STX10: variants seen among roughly 807,000 people sequenced by gnomAD.
STX10 encodes syntaxin 10, also known as syntaxin-10.
A neutral mutation model predicts 34.1 loss-of-function variants in STX10; 35 were observed. That is an observed-to-expected ratio of 1.03 (90% CI 0.78 to 1.36). The LOEUF (loss-of-function observed/expected upper bound fraction) is 1.36. Among genes scored for constraint, STX10 ranks in the 40% most tolerant of loss-of-function variants. The pLI is 0.00. For synonymous variants in STX10, 155 were observed against 132.9 expected (o/e 1.17, Z -1.15); for missense variants, 361 against 335.5 (o/e 1.08, Z -0.59).
Position 13,149,788 on chromosome 19 carries a change from C to T in STX10, c.145G>A (p.Glu49Lys), listed in dbSNP as rs1318219240. The T allele has an allele frequency of 3.1e-6, 5 of 1,614,138 alleles. No homozygotes were observed. Among genetic ancestry groups the T allele is most frequent in the Non-Finnish European group, 2.5e-6 (3 of 1,180,034 alleles). ...GREELDWTTN[E>K]LRNGLRSIEW... The stretch of plus-strand genomic sequence containing the variant: ...ATGCTGCGCAGGCCATTCCGCAGCT[C>T]ATTGGTCGTCCAGTCCAGCTCCTCG... Residue 49 changes from glutamate to lysine, a missense_variant, in exon 2 of 8, where the codon GAG (glutamate) becomes AAG (lysine). Glu to Lys is a moderately conservative substitution (Grantham distance 56). Transcript: ENST00000587230.
Position 13,144,653 on chromosome 19 carries a change from G to T in STX10, c.597C>A (p.Ala199=). Residue 199 remains alanine (A), a synonymous_variant, in exon 7 of 8, where the codon GCC becomes GCA. Coordinates refer to ENST00000587230, the MANE Select transcript of STX10 (RefSeq NM_003765.3). ...DEQGIMLDAF[A]QEMDHTQSRM... The stretch of plus-strand genomic sequence containing the variant: ...GGGACTGGGTGTGGTCCATCTCTTG[G>T]GCGAAGGCATCCAGCATGCTGCCAA... The T allele has an allele frequency of 6.2e-7, 1 of 1,614,144 alleles. No individual in the cohort carries two copies. The highest frequency in any genetic ancestry group is 8.5e-7 in the Non-Finnish European group (1 of 1,180,014).
chr19:13,146,205 A>T lies in STX10; in HGVS notation c.364-810T>A, dbSNP rs148537513. Among the ~76,000 whole-genome samples, 674 of 152,106 alleles carry T rather than the reference A, an allele frequency of 4.4e-3. 3 individuals are homozygous for T. The highest frequency in any genetic ancestry group is 0.01 in the African/African-American group (415 of 41,478). The stretch of plus-strand genomic sequence containing the variant: ...AGAGTGACCTTGCCTCAAAAAAAAA[A>T]AAAATAAAATAAAATGGGAAGAGCT... On this transcript the variant is annotated intron_variant, in intron 4 of 7. Transcript: ENST00000587230.
Position 13,150,326 on chromosome 19 carries a change from C to T in STX10, c.-153G>A, listed in dbSNP as rs184504099. On this transcript the variant is annotated 5_prime_UTR_variant, in exon 1 of 8. Transcript: ENST00000587230. This position sits in a 1 kb window ranked among gnomAD's most constrained non-coding sequence, Gnocchi z 4.0. The stretch of plus-strand genomic sequence containing the variant: ...AGGGGAGAAAGAGAAGCCTCGGAGG[C>T]CCGACGTGCGGACACTTCCGCCCTC... The T allele has an allele frequency of 1.4e-4, 83 of 606,786 alleles. No individual in the cohort carries two copies. In the African/African-American group the frequency reaches 1.5e-3, roughly 11 times the overall value. The allele number at this position is 606,786 out of a possible 1,614,324, so 37.6% of individuals were successfully genotyped here.
chr19:13,149,446 A>C, intron 3 of STX10, 53 bp downstream of exon 3: 1 of 1,241,556 alleles, frequency 8.1e-7, no homozygotes, highest in Non-Finnish European at 1.1e-6. Context: ...AAGAAAGAAA[A>C]AAAAACACAC....
In STX10 at chr19:13,150,086, T is replaced by C; in HGVS notation, c.35+53A>G. On this transcript the variant is annotated intron_variant, in intron 1 of 7. Coordinates refer to ENST00000587230, the MANE Select transcript of STX10 (RefSeq NM_003765.3). The surrounding 1 kb of genome is among the most constrained non-coding windows in gnomAD (Gnocchi z 4.0). ...CACGCTGGGGCCGGCACCCGGGCAC[T>C]GGCTGGCTTGGGTACAGAGCACCCT... 1 of 1,116,298 alleles carries C rather than the reference T, an allele frequency of 9.0e-7. No homozygotes were observed. Among genetic ancestry groups the C allele is most frequent in the Non-Finnish European group, 1.3e-6 (1 of 747,224 alleles). 69.1% of individuals were successfully genotyped at this position (1,116,298 alleles called of 1,614,324 possible).
Position 13,150,284 on chromosome 19 carries a change from T to G in STX10, c.-111A>C. On this transcript the variant is annotated 5_prime_UTR_variant, in exon 1 of 8. An upstream start codon of the reference 5' UTR is lost. Transcript: ENST00000587230. This position sits in a 1 kb window ranked among gnomAD's most constrained non-coding sequence, Gnocchi z 4.0. ...CACCCCCGCCCCCGTCACGCCACCATCGAGAGCCGGACCGCCAGGGGAGAA... is the reference window on the plus strand; with the variant it reads ...CACCCCCGCCCCCGTCACGCCACCAGCGAGAGCCGGACCGCCAGGGGAGAA... 3 of 630,844 alleles carry G rather than the reference T, an allele frequency of 4.8e-6. No homozygotes were observed. Among genetic ancestry groups the G allele is most frequent in the Non-Finnish European group, 8.7e-6 (3 of 345,032 alleles). 39.1% of individuals were successfully genotyped at this position (630,844 alleles called of 1,614,324 possible). A position where few individuals can be genotyped will look rare whatever the true frequency, so the allele number is the denominator to read the frequency against.
At chr19:13,148,903 C>T (rs2019975416) in intron 4 of STX10, 126 bp downstream of exon 4, 5 of 715,508 alleles carry the variant, frequency 7.0e-6, no homozygotes, top group Non-Finnish European at 1.2e-5. Flanking sequence ...AGGTAGACAG[C>T]AAGAAGATAA....
Position 13,150,051 on chromosome 19 carries a change from G to A in STX10, c.35+88C>T. The A allele has an allele frequency of 2.4e-6, 3 of 1,240,316 alleles. No homozygotes were observed. The highest frequency in any genetic ancestry group is 3.5e-6 in the Non-Finnish European group (3 of 863,652). The allele number at this position is 1,240,316 out of a possible 1,614,324, so 76.8% of individuals were successfully genotyped here. A position where few individuals can be genotyped will look rare whatever the true frequency, so the allele number is the denominator to read the frequency against. ...CTCTGCACCCCGACGGCCTTGCCCA[G>A]CCCGCCGGGCACGCTGGGGCCGGCA... On this transcript the variant is annotated intron_variant, in intron 1 of 7. Transcript: ENST00000587230. This position sits in a 1 kb window ranked among gnomAD's most constrained non-coding sequence, Gnocchi z 4.0.
chr19:13,148,874 A>T (rs1438171909), intron 4 of STX10, among the ~76,000 whole-genome samples, 155 bp downstream of exon 4: 2 of 151,858 alleles, frequency 1.3e-5, no homozygotes, highest in African/African-American at 4.8e-5. Context: ...TCAGGTGCAC[A>T]CACCGAGAAA....
chr19:13,145,338 C>T lies in STX10; in HGVS notation c.421G>A (p.Ala141Thr), dbSNP rs374729882. 58 of 1,611,848 alleles carry T rather than the reference C, an allele frequency of 3.6e-5. No individual in the cohort carries two copies. Among genetic ancestry groups the T allele is most frequent in the Admixed American group, 2.2e-4 (13 of 60,020 alleles). ...ATGTAGCGAGATGTGGCCGAGACTG[C>T]GCTGGCATCCAGCAGGTCGCTGGGT... ...KSPSDLLDASAVSATSRYIEE... is the reference protein window; with the variant it reads ...KSPSDLLDASTVSATSRYIEE... The change falls in exon 5 of 8, where the codon GCA becomes ACA. Residue 141 changes from alanine (A) to threonine (T), a missense_variant. Physicochemically the swap from Ala to Thr is moderately conservative, Grantham distance 58. Transcript: ENST00000587230.
Position 13,144,562 on chromosome 19 carries a change from C to T in STX10, c.673+15G>A, listed in dbSNP as rs772141034. 1.2e-6 allele frequency: 2 copies of T among 1,614,108 alleles called. No homozygotes were observed. Among genetic ancestry groups the T allele is most frequent in the Non-Finnish European group, 1.7e-6 (2 of 1,180,010 alleles). On this transcript the variant is annotated intron_variant, in intron 7 of 7. Coordinates refer to ENST00000587230, the MANE Select transcript of STX10 (RefSeq NM_003765.3). Reference sequence around the variant, plus strand: ...TGCCCCCACCAGGACTGACCCCTCCCCTGAGGGGACTCACCACTCGTCATG... The same window carrying T: ...TGCCCCCACCAGGACTGACCCCTCCTCTGAGGGGACTCACCACTCGTCATG...
At chr19:13,148,268 C>G (rs1466577798) in intron 4 of STX10, among the ~76,000 whole-genome samples, 1 of 151,996 alleles carries the variant, frequency 6.6e-6, no homozygotes, top group African/African-American at 2.4e-5. Flanking sequence ...CTTTGGGAGG[C>G]TGAGGCAGGT....
chr19:13,148,982 G>T, intron 4 of STX10, 47 bp downstream of exon 4: 1 of 1,540,514 alleles, frequency 6.5e-7, no homozygotes, highest in Non-Finnish European at 8.9e-7. Flanking sequence ...ATCTGGCTTG[G>T]TTACCCCCAG....
chr19:13,149,858 G>C lies in STX10; in HGVS notation c.75C>G (p.Tyr25Ter), dbSNP rs780476272. 22 of 1,611,466 alleles carry C rather than the reference G, an allele frequency of 1.4e-5. No individual in the cohort carries two copies. The highest frequency in any genetic ancestry group is 1.9e-5 in the Non-Finnish European group (22 of 1,179,326). ...CCTGCAGGAGCTCGCACCAGCGCTGGTACAGCCCGCGGGCCGTGTTCACCG... is the reference window on the plus strand; with the variant it reads ...CCTGCAGGAGCTCGCACCAGCGCTGCTACAGCCCGCGGGCCGTGTTCACCG... ...QKAVNTARGL[Y>*]QRWCELLQES... is the part of the protein sequence containing the mutation. The change falls in exon 2 of 8, where the codon TAC (tyrosine) becomes TAG (stop). Residue 25 changes from tyrosine (Y) to a stop codon, truncating the protein, a stop_gained. Coordinates refer to ENST00000587230, the MANE Select transcript of STX10 (RefSeq NM_003765.3). LOFTEE classifies it high-confidence loss of function.
At chr19:13,146,654 C>T (rs2019905494) in intron 4 of STX10, among the ~76,000 whole-genome samples, 1 of 152,010 alleles carries the variant, frequency 6.6e-6, no homozygotes, top group African/African-American at 2.4e-5. Context: ...AATTCTCCTG[C>T]CTCAGCTTCC....
In STX10 at chr19:13,150,119, C is replaced by T. The variant is rs1392520030; in HGVS notation, c.35+20G>A. 2.6e-6 allele frequency: 3 copies of T among 1,140,994 alleles called. No homozygotes were observed. The highest frequency in any genetic ancestry group is 3.9e-6 in the Non-Finnish European group (3 of 764,380). The allele number at this position is 1,140,994 out of a possible 1,614,324, so 70.7% of individuals were successfully genotyped here. A position where few individuals can be genotyped will look rare whatever the true frequency, so the allele number is the denominator to read the frequency against. The stretch of plus-strand genomic sequence containing the variant: ...TTGGGTACAGAGCACCCTCCGCCCT[C>T]CCCCGTCGTTGTCACTCACCCTCGG... On this transcript the variant is annotated intron_variant, in intron 1 of 7. Coordinates refer to ENST00000587230, the MANE Select transcript of STX10 (RefSeq NM_003765.3). This position sits in a 1 kb window ranked among gnomAD's most constrained non-coding sequence, Gnocchi z 4.0.
At chr19:13,148,084 A>G (rs866182515) in intron 4 of STX10, among the ~76,000 whole-genome samples, 2,382 of 146,386 alleles carry the variant, frequency 0.016, 37 homozygotes, top group Non-Finnish European at 0.024. Context: ...AAAAAAAAAA[A>G]AAAAGGAAGT....
intron 3 of STX10, among the ~76,000 whole-genome samples, 189 bp downstream of exon 3, chr19:13,149,310 A>G (rs1415715276): frequency 6.6e-6 from 1 of 150,890 alleles, no homozygotes; most frequent in African/African-American, 2.4e-5. Flanking sequence ...TACTCAGGAG[A>G]CTGAGACACA....
At chr19:13,146,693 A>G (rs978953458) in intron 4 of STX10, among the ~76,000 whole-genome samples, 7 of 151,212 alleles carry the variant, frequency 4.6e-5, no homozygotes, top group African/African-American at 1.7e-4. Context: ...GGTGATCACC[A>G]CCACGCCTGG....
Sources: gnomAD v4.1 joint callset for allele counts (sites outside exome capture counted in the v4.1 genomes callset) on GRCh38, gnomAD v4.1.1 for gene constraint, Gnocchi (gnomAD v3.1) non-coding constraint, MANE v1.5 for transcripts, NCBI Gene and HGNC (gene_info 2026-07-23, HGNC 2026-07-21) for gene names.